Variants in SPIDR observed in about 807,000 individuals in gnomAD.
SPIDR encodes the protein scaffold protein involved in DNA repair.
Under a neutral mutation model 104.6 loss-of-function variants are expected in SPIDR, and 93 were observed. The observed-to-expected ratio is 0.89, with a 90% confidence interval of 0.75 to 1.06. The LOEUF is 1.06. SPIDR is among the 50% of genes least tolerant of loss of function. The pLI, the probability that SPIDR is intolerant of heterozygous loss-of-function variation, is 0.00. For missense variants in SPIDR, 1,154 were observed against 1,111.2 expected, an observed-to-expected ratio of 1.04 and a Z score of -0.55; for synonymous variants, 431 against 416.9, an observed-to-expected ratio of 1.03 and a Z score of -0.41.
At chr8:47,273,466 G>T (rs1334551323) in intron 1 of SPIDR, among the ~76,000 whole-genome samples, 1 of 152,214 alleles carries the variant, frequency 6.6e-6, no homozygotes, top group Non-Finnish European at 1.5e-5. Context: ...ACATGAACAG[G>T]TTGAGGGCAG....
chr8:47,291,014 C>A lies in SPIDR; in HGVS notation c.257-19C>A, dbSNP rs1463328019. ...CATATAAGGAGATCATATTTATGTG[C>A]TTTCTTTTCCTTCAACAGAAACCAC... is the stretch of plus-strand genomic sequence containing the variant. On this transcript the variant is annotated intron_variant, in intron 3 of 19. Transcript: ENST00000297423. The A allele has an allele frequency of 9.5e-6, 15 of 1,575,542 alleles. No individual in the cohort carries two copies. In the African/African-American group the frequency reaches 1.9e-4, roughly 20 times the overall value.
intron 8 of SPIDR, among the ~76,000 whole-genome samples, chr8:47,473,047 C>G (rs984348705): frequency 6.6e-6 from 1 of 152,200 alleles, no homozygotes; most frequent in Non-Finnish European, 1.5e-5. Context: ...CAGGCTGTGC[C>G]AGCCCCTGCA....
chr8:47,691,448 C>G (rs2078644137), intron 11 of SPIDR, among the ~76,000 whole-genome samples: 1 of 152,210 alleles, frequency 6.6e-6, no homozygotes, highest in African/African-American at 2.4e-5. Context: ...AATGCCTGAT[C>G]AGTTTCCCTT....
intron 8 of SPIDR, among the ~76,000 whole-genome samples, chr8:47,463,882 T>C (rs1396103699): frequency 1.3e-5 from 2 of 152,156 alleles, no homozygotes; most frequent in East Asian, 3.8e-4. Context: ...ACAGCAGTTA[T>C]GAAAAACCCA....
intron 6 of SPIDR, among the ~76,000 whole-genome samples, chr8:47,397,218 C>G (rs893273314): frequency 8.5e-5 from 13 of 152,228 alleles, no homozygotes; most frequent in Admixed American, 1.3e-4. Flanking sequence ...GAAAGAGAGG[C>G]CGGGCGCGGT....
intron 11 of SPIDR, among the ~76,000 whole-genome samples, chr8:47,692,795 C>T (rs1274543856): frequency 6.6e-6 from 1 of 152,164 alleles, no homozygotes; most frequent in Non-Finnish European, 1.5e-5. Context: ...GACATAGATA[C>T]ATCAAATTTA....
At chr8:47,387,774 A>G (rs954124405) in intron 5 of SPIDR, among the ~76,000 whole-genome samples, 5 of 152,206 alleles carry the variant, frequency 3.3e-5, no homozygotes, top group African/African-American at 1.2e-4. Flanking sequence ...CCTTCTTCAA[A>G]TACATCCCAT....
At chr8:47,395,061 G>C (rs1485038840) in intron 5 of SPIDR, among the ~76,000 whole-genome samples, 2 of 152,144 alleles carry the variant, frequency 1.3e-5, no homozygotes, top group African/African-American at 4.8e-5. Context: ...CTCTTAAAAA[G>C]AGTTTGGCTG....
chr8:47,650,180 G>A (rs1449138075), intron 10 of SPIDR, among the ~76,000 whole-genome samples: 3 of 152,148 alleles, frequency 2.0e-5, no homozygotes, highest in Non-Finnish European at 2.9e-5. Flanking sequence ...GTCTGCCACT[G>A]ATATGATTGT....
At chr8:47,642,592 A>G (rs547266246) in intron 10 of SPIDR, among the ~76,000 whole-genome samples, 1 of 152,252 alleles carries the variant, frequency 6.6e-6, no homozygotes, top group African/African-American at 2.4e-5. Flanking sequence ...AAGCTCACCA[A>G]TAAAAGAGGA....
At chr8:47,277,309 ATGTT>A (rs1215657482) in intron 1 of SPIDR, among the ~76,000 whole-genome samples, 4 of 139,390 alleles carry the variant, frequency 2.9e-5, no homozygotes, top group Non-Finnish European at 4.7e-5. Flanking sequence ...AATTTATGTT[ATGTT>A]TGTTATGTTA....
At chr8:47,307,011 T>G (rs190766677) in intron 5 of SPIDR, among the ~76,000 whole-genome samples, 3 of 152,314 alleles carry the variant, frequency 2.0e-5, no homozygotes, top group Admixed American at 2.0e-4. Context: ...AACATATGGT[T>G]GAATCCTCCT....
chr8:47,603,815 G>A (rs1157358216), intron 10 of SPIDR, among the ~76,000 whole-genome samples: 2 of 152,198 alleles, frequency 1.3e-5, no homozygotes, highest in Non-Finnish European at 2.9e-5. Flanking sequence ...AAATAGTCGT[G>A]TCTTCAGACA....
At chr8:47,511,702 C>T (rs1241262568) in intron 8 of SPIDR, 1 of 1,003,658 alleles carries the variant, frequency 1.0e-6, no homozygotes, top group Non-Finnish European at 1.6e-6. Flanking sequence ...GGCAAATGGT[C>T]TTGGTGTACT....
intron 8 of SPIDR, among the ~76,000 whole-genome samples, chr8:47,476,195 A>T (rs920764893): frequency 6.6e-6 from 1 of 152,026 alleles, no homozygotes; most frequent in Non-Finnish European, 1.5e-5. Context: ...TGCTTGACGG[A>T]TGGTCTGTTG....
chr8:47,545,075 CT>C (rs1312151127), intron 8 of SPIDR, among the ~76,000 whole-genome samples: 8 of 12,148 alleles, frequency 6.6e-4, no homozygotes, highest in African/African-American at 2.6e-3. Context: ...TTTATCTTTT[CT>C]TTCTTTCTTT....
intron 5 of SPIDR, among the ~76,000 whole-genome samples, chr8:47,327,697 G>T (rs972539232): frequency 6.6e-6 from 1 of 152,012 alleles, no homozygotes; most frequent in Admixed American, 6.6e-5. Context: ...CAAGTAGCTG[G>T]GATTACAGGC....
intron 5 of SPIDR, among the ~76,000 whole-genome samples, chr8:47,384,411 T>C (rs2059652479): frequency 6.6e-6 from 1 of 152,218 alleles, no homozygotes; most frequent in Non-Finnish European, 1.5e-5. Context: ...TGAAGAAAAG[T>C]TGGAAATATT....
intron 10 of SPIDR, among the ~76,000 whole-genome samples, chr8:47,661,484 A>C (rs1391258374): frequency 1.3e-5 from 2 of 152,254 alleles, no homozygotes; most frequent in African/African-American, 4.8e-5. Flanking sequence ...GCAGGACAGC[A>C]AAGGAATGTA....
Sources: allele counts gnomAD v4.1 joint callset (sites outside exome capture counted in the v4.1 genomes callset), GRCh38; gene constraint gnomAD v4.1.1; transcripts MANE v1.5; gene names NCBI Gene and HGNC (gene_info 2026-07-23, HGNC 2026-07-21).